The following C6 variants were observed in gnomAD, a reference collection of about 807,000 sequenced individuals.
C6 encodes the protein complement C6.
In C6, 101 loss-of-function variants were observed where a neutral mutation model predicts 112.9. That is an observed-to-expected ratio of 0.89 (90% CI 0.76 to 1.06). The LOEUF (loss-of-function observed/expected upper bound fraction) is 1.06, where lower values mean the gene tolerates loss of function less well. C6 is among the 50% of genes least tolerant of loss of function. C6 has a pLI of 0.00. For synonymous variants in C6, 431 were observed against 384.1 expected (o/e 1.12, Z -1.43); for missense variants, 1,202 against 1,104.6 (o/e 1.09, Z -1.25).
chr5:41,191,793 CTTT>C (rs374884823), intron 5 of C6, among the ~76,000 whole-genome samples: 1 of 142,398 alleles, frequency 7.0e-6, no homozygotes. Context: ...TTTCTAGGGC[CTTT>C]TTTTTTTTGG....
Position 41,155,006 on chromosome 5 carries a change from G to A in C6, c.2067C>T (p.Asp689=), listed in dbSNP as rs28651920. The A allele has an allele frequency of 6.0e-4, 968 of 1,613,664 alleles. 10 individuals carry two copies. In the African/African-American group the frequency reaches 0.011, roughly 18 times the overall value. The part of the protein sequence containing the change: ...VGYQYFRCLP[D]GTWRQGDVEC... ...CCACATCCCCTTGTCTCCAGGTCCC[G>A]TCTGGTAAGCATCTGAAGTACTGGT... Residue 689 remains aspartate (D), a synonymous_variant, in exon 14 of 18, where the codon GAC becomes GAT. Coordinates refer to ENST00000337836, the MANE Select transcript of C6 (RefSeq NM_000065.5).
chr5:41,195,835 G>T lies in C6; in HGVS notation c.544C>A (p.Arg182=), dbSNP rs141862960. Residue 182 remains arginine, a synonymous_variant, in exon 5 of 18, where the codon CGG becomes AGG. Coordinates refer to ENST00000337836, the MANE Select transcript of C6 (RefSeq NM_000065.5). ...ACACTAGGGATGGGATTATACTTCC[G>T]TGTGCATACTGCCTTTGTCCTCCCA... The part of the protein sequence containing the change: ...DCGRTKAVCT[R]KYNPIPSVQL... 6.2e-7 allele frequency: 1 copy of T among 1,613,818 alleles called. No individual in the cohort carries two copies. The highest frequency in any genetic ancestry group is 8.5e-7 in the Non-Finnish European group (1 of 1,179,846).
chr5:41,230,160 T>G (rs1739799678), intron 1 of C6, among the ~76,000 whole-genome samples: 1 of 152,100 alleles, frequency 6.6e-6, no homozygotes, highest in African/African-American at 2.4e-5. Flanking sequence ...TTGTAAAAAT[T>G]GATTGTAAAA....
chr5:41,201,237 G>T lies in C6; in HGVS notation c.300+321C>A, dbSNP rs77636849. On this transcript the variant is annotated intron_variant, in intron 3 of 17. Coordinates refer to ENST00000337836, the MANE Select transcript of C6 (RefSeq NM_000065.5). ...AAACACTTCTGATACCAACATTTTG[G>T]ATAAGGATTACTCAATCTGTATACA... Among the ~76,000 whole-genome samples the T allele has an allele frequency of 1.4e-3, 212 of 152,132 alleles. 6 individuals are homozygous for T. In the East Asian group the frequency reaches 0.038, roughly 27 times the overall value.
intron 17 of C6, among the ~76,000 whole-genome samples, chr5:41,147,248 CA>C (rs978887013): frequency 9.9e-5 from 15 of 151,902 alleles, no homozygotes; most frequent in South Asian, 6.2e-4. Context: ...GATCAAGCAT[CA>C]AAAAAATGAA....
At chr5:41,162,811 T>G (rs1034698830) in intron 9 of C6, among the ~76,000 whole-genome samples, 1 of 152,152 alleles carries the variant, frequency 6.6e-6, no homozygotes, top group African/African-American at 2.4e-5. Flanking sequence ...TAGAGTCAAG[T>G]GCATAACACA....
intron 6 of C6, 63 bp from the exon 7 acceptor site, chr5:41,181,622 T>C: frequency 7.9e-7 from 1 of 1,268,362 alleles, no homozygotes; most frequent in Non-Finnish European, 1.1e-6. Context: ...CTTGTGGATA[T>C]CTAATGAAAT....
At chr5:41,245,275 A>G (rs893943636) in intron 1 of C6, among the ~76,000 whole-genome samples, 1 of 152,130 alleles carries the variant, frequency 6.6e-6, no homozygotes, top group African/African-American at 2.4e-5. Flanking sequence ...CACGCCTGTA[A>G]TCCCAGCACT....
At chr5:41,245,480 C>G in intron 1 of C6, among the ~76,000 whole-genome samples, 1 of 145,734 alleles carries the variant, frequency 6.9e-6, no homozygotes, top group Admixed American at 7.1e-5. Context: ...GAGATAGCAC[C>G]ATTGCACTCC....
At chr5:41,210,563 G>A (rs1751832660) in intron 1 of C6, among the ~76,000 whole-genome samples, 3 of 152,144 alleles carry the variant, frequency 2.0e-5, no homozygotes, top group Admixed American at 2.0e-4. Flanking sequence ...CAAAGGATAT[G>A]AACAGACCCT....
chr5:41,248,045 C>T (rs1400139212), intron 1 of C6, among the ~76,000 whole-genome samples: 1 of 152,076 alleles, frequency 6.6e-6, no homozygotes, highest in Non-Finnish European at 1.5e-5. Flanking sequence ...TAATCTTCAA[C>T]AATGTTGACA....
chr5:41,204,642 G>A (rs905277199), intron 1 of C6, among the ~76,000 whole-genome samples: 1 of 137,236 alleles, frequency 7.3e-6, no homozygotes, highest in Non-Finnish European at 1.6e-5. Context: ...GGTATTTCTT[G>A]TTAATAAATC....
At chr5:41,226,930 A>G (rs1298823418) in intron 1 of C6, among the ~76,000 whole-genome samples, 2 of 152,160 alleles carry the variant, frequency 1.3e-5, no homozygotes, top group East Asian at 3.9e-4. Context: ...GAGTACAGAT[A>G]TCTCTTTGAC....
chr5:41,152,009 GA>G (rs111468089), intron 15 of C6, among the ~76,000 whole-genome samples: 22 of 146,400 alleles, frequency 1.5e-4, no homozygotes, highest in East Asian at 7.9e-4. Flanking sequence ...ATTATGGTGG[GA>G]AAAAAAAAAG....
upstream of C6, chr5:41,213,651 A>G: frequency 1.7e-6 from 1 of 582,608 alleles, no homozygotes; most frequent in South Asian, 7.6e-5. Flanking sequence ...AGAGTCCTGA[A>G]TTTTCAGTGA....
intron 1 of C6, among the ~76,000 whole-genome samples, chr5:41,220,648 A>G (rs866976704): frequency 2.0e-5 from 3 of 152,078 alleles, no homozygotes; most frequent in South Asian, 2.1e-4. Flanking sequence ...GTGATTAATG[A>G]TGTTGGGCCT....
chr5:41,208,941 T>C (rs949520253), intron 1 of C6, among the ~76,000 whole-genome samples: 5 of 151,966 alleles, frequency 3.3e-5, no homozygotes, highest in African/African-American at 1.2e-4. Flanking sequence ...TAGACCAATA[T>C]CCCTGATGAA....
intron 1 of C6, among the ~76,000 whole-genome samples, chr5:41,222,953 C>T: frequency 6.6e-6 from 1 of 152,164 alleles, no homozygotes. Flanking sequence ...GAAACTTTCC[C>T]TATCCCCTCT....
chr5:41,251,596 C>T (rs1172972028), intron 1 of C6, among the ~76,000 whole-genome samples: 1 of 152,186 alleles, frequency 6.6e-6, no homozygotes, highest in Non-Finnish European at 1.5e-5. Context: ...GGACCTAGGT[C>T]TTCGAATTTT....
Sources: allele counts gnomAD v4.1 joint callset (sites outside exome capture counted in the v4.1 genomes callset), GRCh38; gene constraint gnomAD v4.1.1; transcripts MANE v1.5; gene names NCBI Gene and HGNC (gene_info 2026-07-23, HGNC 2026-07-21).